The following ARHGAP29 variants were observed in gnomAD, a reference collection of about 807,000 sequenced individuals.
The protein encoded by ARHGAP29 is rho GTPase-activating protein 29.
ARHGAP29 carries 43 observed loss-of-function variants against 122.6 expected under a neutral mutation model. The ratio of observed to expected loss-of-function variants is 0.35; its 90% confidence interval spans 0.27 to 0.45. ARHGAP29 has a LOEUF of 0.45. Among genes scored for constraint, ARHGAP29 ranks in the 20% least tolerant of loss-of-function variants. The pLI, the probability that ARHGAP29 is intolerant of heterozygous loss-of-function variation, is 1.00. For missense variants in ARHGAP29, 1,303 were observed against 1,477.2 expected, an observed-to-expected ratio of 0.88 and a Z score of 1.93; for synonymous variants, 506 against 497.1, an observed-to-expected ratio of 1.02 and a Z score of -0.24.
intron 1 of ARHGAP29, among the ~76,000 whole-genome samples, chr1:94,264,755 C>T (rs1236682161): frequency 6.6e-6 from 1 of 152,122 alleles, no homozygotes; most frequent in Non-Finnish European, 1.5e-5. Flanking sequence ...TCACCCCATC[C>T]CCGGTCTTTG....
upstream of ARHGAP29, among the ~76,000 whole-genome samples, chr1:94,275,658 A>G (rs1421331124): frequency 1.3e-5 from 2 of 152,140 alleles, no homozygotes; most frequent in Admixed American, 6.5e-5. Flanking sequence ...GGTTTAAACT[A>G]GTGTCCAGTA....
At chr1:94,227,023 A>G (rs1652651398) in intron 2 of ARHGAP29, among the ~76,000 whole-genome samples, 1 of 151,896 alleles carries the variant, frequency 6.6e-6, no homozygotes, top group Non-Finnish European at 1.5e-5. Flanking sequence ...TCTCCCTGGG[A>G]AAAGAACTGA....
intron 12 of ARHGAP29, among the ~76,000 whole-genome samples, chr1:94,196,833 T>C (rs1334006344): frequency 6.6e-6 from 1 of 152,128 alleles, no homozygotes; most frequent in Non-Finnish European, 1.5e-5. Context: ...TATTTGGAAC[T>C]GAATATAAAT....
chr1:94,179,364 G>A (rs1211018931), intron 20 of ARHGAP29, among the ~76,000 whole-genome samples: 1 of 152,116 alleles, frequency 6.6e-6, no homozygotes, highest in Non-Finnish European at 1.5e-5. Flanking sequence ...GGGAGGCTGA[G>A]GTGGGCGGAT....
Position 94,201,434 on chromosome 1 carries a change from T to C in ARHGAP29, c.1281+286A>G, listed in dbSNP as rs182303972. Reference sequence around the variant, plus strand: ...ACCTTCCCCTTCTGCAGATAGAGACTTCTCTTTCTTTTCCCTCCCTCCCTT... The same window carrying C: ...ACCTTCCCCTTCTGCAGATAGAGACCTCTCTTTCTTTTCCCTCCCTCCCTT... On this transcript the variant is annotated intron_variant, in intron 12 of 22. Transcript: ENST00000260526. Among the ~76,000 whole-genome samples, 19 of 152,180 alleles carry C rather than the reference T, an allele frequency of 1.2e-4. No individual in the cohort carries two copies. The East Asian group carries it at 3.5e-3, about 28-fold the overall frequency.
At position 94,173,092 on chromosome 1, in the gene ARHGAP29, C is replaced by G. The variant is rs766727797; in HGVS notation, c.*777G>C. 1 of 152,406 alleles carries G rather than the reference C, an allele frequency of 6.6e-6. No individual in the cohort carries two copies. The highest frequency in any genetic ancestry group is 1.5e-5 in the Non-Finnish European group (1 of 67,978). 9.4% of individuals were successfully genotyped at this position (152,406 alleles called of 1,614,324 possible). On this transcript the variant is annotated 3_prime_UTR_variant, in exon 23 of 23. Transcript: ENST00000260526. ...TAAAATACTAAAAAGTTCAGAACTG[C>G]TGAAAAACAAAAGTTTATATAAAAT...
intron 12 of ARHGAP29, 77 bp downstream of exon 12, chr1:94,201,640 TGGG>T: frequency 6.4e-7 from 1 of 1,556,750 alleles, no homozygotes; most frequent in East Asian, 2.3e-5. Flanking sequence ...CCCAAAGTGC[TGGG>T]ATTACAGGTG....
In ARHGAP29 at chr1:94,173,766, A is replaced by G; in HGVS notation, c.*103T>C. On this transcript the variant is annotated 3_prime_UTR_variant, in exon 23 of 23. Coordinates refer to ENST00000260526, the MANE Select transcript of ARHGAP29 (RefSeq NM_004815.4). ...CAAAAGGCAAAACCCATGATTTGGC[A>G]GTCCTATACAAAAGAGGCCCTGTCA... The G allele has an allele frequency of 7.3e-7, 1 of 1,373,686 alleles. No homozygotes were observed. The highest frequency in any genetic ancestry group is 2.3e-5 in the East Asian group (1 of 43,288). 85.1% of individuals were successfully genotyped at this position (1,373,686 alleles called of 1,614,324 possible).
chr1:94,223,780 T>A (rs991964104), intron 2 of ARHGAP29, among the ~76,000 whole-genome samples: 8 of 151,892 alleles, frequency 5.3e-5, no homozygotes, highest in Non-Finnish European at 1.2e-4. Context: ...ATAATTTGAA[T>A]AGGTGTAAAA....
chr1:94,181,013 G>A (rs1372352960), intron 19 of ARHGAP29, among the ~76,000 whole-genome samples: 1 of 152,126 alleles, frequency 6.6e-6, no homozygotes, highest in Non-Finnish European at 1.5e-5. Context: ...GGCTAACATG[G>A]TAAATCCAAC....
the ARHGAP29 span, among the ~76,000 whole-genome samples, chr1:94,309,237 C>T: frequency 6.6e-6 from 1 of 152,232 alleles, no homozygotes; most frequent in East Asian, 1.9e-4. Flanking sequence ...CAACTATTTC[C>T]ATTTGATAGA....
At chr1:94,262,045 C>A (rs1013726015) in intron 1 of ARHGAP29, among the ~76,000 whole-genome samples, 1 of 152,112 alleles carries the variant, frequency 6.6e-6, no homozygotes, top group Admixed American at 6.6e-5. Flanking sequence ...GGAACTGTTA[C>A]AAAAACAGAC....
At chr1:94,255,276 A>T (rs1182979542) in intron 1 of ARHGAP29, among the ~76,000 whole-genome samples, 1 of 152,186 alleles carries the variant, frequency 6.6e-6, no homozygotes, top group Non-Finnish European at 1.5e-5. Flanking sequence ...ACAGGGAGTG[A>T]TGGCCATCTA....
chr1:94,188,441 T>TA (rs530746675), intron 15 of ARHGAP29, among the ~76,000 whole-genome samples: 9 of 150,926 alleles, frequency 6.0e-5, no homozygotes, highest in South Asian at 2.1e-4. Flanking sequence ...ACATAGATCT[T>TA]AAAAAAAAAC....
chr1:94,239,946 G>A (rs1295562427), upstream of ARHGAP29, among the ~76,000 whole-genome samples: 1 of 152,138 alleles, frequency 6.6e-6, no homozygotes, highest in Non-Finnish European at 1.5e-5. Flanking sequence ...AAACCCCACT[G>A]GAGAATGATG....
the ARHGAP29 span, among the ~76,000 whole-genome samples, chr1:94,291,069 C>A: frequency 1.3e-5 from 2 of 152,110 alleles, no homozygotes; most frequent in African/African-American, 4.8e-5. Flanking sequence ...CTTTGTAGGT[C>A]TCTAAGGACT....
chr1:94,183,287 T>C (rs1310910672), intron 19 of ARHGAP29, among the ~76,000 whole-genome samples: 1 of 152,216 alleles, frequency 6.6e-6, no homozygotes, highest in Non-Finnish European at 1.5e-5. Flanking sequence ...CTATTCTCTC[T>C]GACATTATCT....
At chr1:94,189,375 A>C in intron 13 of ARHGAP29, 23 bp from the exon 14 acceptor site, 5 of 1,593,708 alleles carry the variant, frequency 3.1e-6, no homozygotes, top group Non-Finnish European at 4.3e-6. Context: ...CAATGACAAA[A>C]AACAAAACTC....
the ARHGAP29 span, among the ~76,000 whole-genome samples, chr1:94,299,650 T>G: frequency 1.3e-5 from 2 of 152,172 alleles, no homozygotes; most frequent in African/African-American, 4.8e-5. Context: ...TTGGCTAGGC[T>G]GTTGTATTCC....
Sources: gnomAD v4.1 joint callset for allele counts (sites outside exome capture counted in the v4.1 genomes callset) on GRCh38, gnomAD v4.1.1 for gene constraint, MANE v1.5 for transcripts, NCBI Gene and HGNC (gene_info 2026-07-23, HGNC 2026-07-21) for gene names.